Variants in DGCR2 observed in about 807,000 individuals in gnomAD.
DGCR2 encodes DiGeorge syndrome critical region gene 2.
Under a neutral mutation model 51.6 loss-of-function variants are expected in DGCR2, and 24 were observed. The ratio of observed to expected loss-of-function variants is 0.47; its 90% CI spans 0.34 to 0.65. The LOEUF (loss-of-function observed/expected upper bound fraction) is 0.65. Among genes scored for constraint, DGCR2 ranks in the 30% least tolerant of loss-of-function variants. The pLI is 0.01. For synonymous variants in DGCR2, 340 were observed against 315.4 expected, an observed-to-expected ratio of 1.08 and a Z score of -0.82; for missense variants, 765 against 772.1, an observed-to-expected ratio of 0.99 and a Z score of 0.11.
intron 2 of DGCR2, among the ~76,000 whole-genome samples, chr22:19,085,418 A>C (rs2083004039): frequency 6.6e-6 from 1 of 152,184 alleles, no homozygotes; most frequent in Non-Finnish European, 1.5e-5. Flanking sequence ...AGTCACCTCA[A>C]AAATCTAAGC....
chr22:19,057,252 T>A lies in DGCR2; in HGVS notation c.626-90A>T. 2.9e-6 allele frequency: 4 copies of A among 1,366,230 alleles called. No homozygotes were observed. Among genetic ancestry groups the A allele is most frequent in the Non-Finnish European group, 3.9e-6 (4 of 1,017,376 alleles). The allele number at this position is 1,366,230 out of a possible 1,614,324, so 84.6% of individuals were successfully genotyped here. A position where few individuals can be genotyped will look rare whatever the true frequency, so the allele number is the denominator to read the frequency against. ...AAGGGGACCATGGCGTCAGACAGGA[T>A]CATCAACCACAGGGCCTGGACCGCC... On this transcript the variant is annotated intron_variant, in intron 5 of 9. Coordinates refer to ENST00000263196, the MANE Select transcript of DGCR2 (RefSeq NM_005137.3). This position sits in a 1 kb window ranked among gnomAD's most constrained non-coding sequence, Gnocchi z 5.1.
chr22:19,049,533 A>G (rs2082526368), intron 6 of DGCR2, among the ~76,000 whole-genome samples: 1 of 152,130 alleles, frequency 6.6e-6, no homozygotes, highest in Non-Finnish European at 1.5e-5. Context: ...TGCCTCACTT[A>G]AGATTGTAGT....
chr22:19,112,274 T>TAAA (rs374315923), intron 1 of DGCR2, among the ~76,000 whole-genome samples: 4 of 134,902 alleles, frequency 3.0e-5, no homozygotes, highest in Admixed American at 7.5e-5. Context: ...CTCCATCTTT[T>TAAA]AAAAAAAAAA....
At chr22:19,059,583 A>G (rs1331147189) in intron 5 of DGCR2, among the ~76,000 whole-genome samples, 3 of 152,120 alleles carry the variant, frequency 2.0e-5, no homozygotes, top group African/African-American at 7.2e-5. Flanking sequence ...CCTCCTCTCA[A>G]GCCTCCCTCC....
chr22:19,112,595 C>G (rs2083328949), intron 1 of DGCR2, among the ~76,000 whole-genome samples: 1 of 143,508 alleles, frequency 7.0e-6, no homozygotes, highest in African/African-American at 2.6e-5. Context: ...AGGCGTGTGC[C>G]ATCATGCCCA....
In DGCR2 at chr22:19,068,092, C is replaced by A; in HGVS notation, c.328+8G>T. On this transcript the variant is annotated splice_region_variant and intron_variant, in intron 3 of 9. Transcript: ENST00000263196. The stretch of plus-strand genomic sequence containing the variant: ...CAGTGTCCCAGTCAGGGCAGGTCTG[C>A]AACTTACTGCTGAAGCGAACGGGCT... 4.5e-6 allele frequency: 7 copies of A among 1,566,250 alleles called. No homozygotes were observed. The highest frequency in any genetic ancestry group is 5.2e-6 in the Non-Finnish European group (6 of 1,157,846).
intron 3 of DGCR2, among the ~76,000 whole-genome samples, chr22:19,066,441 A>C (rs909001210): frequency 6.6e-6 from 1 of 152,112 alleles, no homozygotes; most frequent in Non-Finnish European, 1.5e-5. Flanking sequence ...AACAAAAAAA[A>C]ACAAAACAAC....
At chr22:19,113,840 C>T (rs1342059968) in intron 1 of DGCR2, among the ~76,000 whole-genome samples, 1 of 152,148 alleles carries the variant, frequency 6.6e-6, no homozygotes, top group Non-Finnish European at 1.5e-5. Context: ...AGACGGATCA[C>T]CTGAGGTTGG....
chr22:19,116,074 T>C (rs896434000), intron 1 of DGCR2, among the ~76,000 whole-genome samples: 1 of 152,238 alleles, frequency 6.6e-6, no homozygotes, highest in African/African-American at 2.4e-5. Context: ...ATGAGGAAAC[T>C]GAAGAGTGAG....
In DGCR2 at chr22:19,068,209, C is replaced by G. The variant is rs1174708977; in HGVS notation, c.219G>C (p.Val73=). The part of the protein sequence containing the change: ...EANCPEVTGE[V]RPHHGKEAVD... ...CAGCCTCCTTCCCATGATGAGGACG[C>G]ACCTCCCCGGTCACTTCTGAAAGCA... Residue 73 remains valine, a synonymous_variant, in exon 3 of 10, where the codon GTG becomes GTC. Transcript: ENST00000263196. The G allele has an allele frequency of 8.7e-6, 14 of 1,604,708 alleles. No homozygotes were observed. Among genetic ancestry groups the G allele is most frequent in the Non-Finnish European group, 1.2e-5 (14 of 1,175,870 alleles).
rs114452887 is a variant in DGCR2 at position 19,041,573 on chromosome 22, C to T, written c.1159+234G>A. 5.4e-3 allele frequency: 3,216 copies of T among 598,550 alleles called. 81 individuals are homozygous for T. Among genetic ancestry groups the T allele is most frequent in the African/African-American group, 0.053 (2,881 of 53,978 alleles). 37.1% of individuals were successfully genotyped at this position (598,550 alleles called of 1,614,324 possible). Reference sequence around the variant, plus strand: ...CACCCCTCCAGCTGGAAGGGTGATCCGGGCCTCTGACCCTCAGAGGCCTCC... The same window carrying T: ...CACCCCTCCAGCTGGAAGGGTGATCTGGGCCTCTGACCCTCAGAGGCCTCC... On this transcript the variant is annotated intron_variant, in intron 8 of 9. Transcript: ENST00000263196.
At chr22:19,042,239 A>C (rs1035398482) in intron 7 of DGCR2, among the ~76,000 whole-genome samples, 1 of 152,180 alleles carries the variant, frequency 6.6e-6, no homozygotes, top group African/African-American at 2.4e-5. Context: ...CACCGGAGCA[A>C]ACTAGGATTT....
At chr22:19,074,414 A>G (rs2082851640) in intron 2 of DGCR2, among the ~76,000 whole-genome samples, 1 of 50,312 alleles carries the variant, frequency 2.0e-5, no homozygotes, top group South Asian at 8.1e-4. Context: ...AGCAAGATGA[A>G]AAAAAAAAAA....
At chr22:19,109,093 C>T (rs1419517023) in intron 1 of DGCR2, among the ~76,000 whole-genome samples, 1 of 152,016 alleles carries the variant, frequency 6.6e-6, no homozygotes, top group Non-Finnish European at 1.5e-5. Flanking sequence ...CCACAATAGG[C>T]TATCACCTCA....
intron 6 of DGCR2, among the ~76,000 whole-genome samples, chr22:19,052,439 C>CACACAA (rs1555901811): frequency 1.4e-5 from 2 of 145,938 alleles, no homozygotes; most frequent in Non-Finnish European, 3.0e-5. Context: ...CACACACACA[C>CACACAA]AAAAGAAAAA....
In DGCR2 at chr22:19,065,083, G is replaced by T. The variant is rs1283743199; in HGVS notation, c.329-16C>A. On this transcript the variant is annotated splice_polypyrimidine_tract_variant and intron_variant, in intron 3 of 9. Coordinates refer to ENST00000263196, the MANE Select transcript of DGCR2 (RefSeq NM_005137.3). The stretch of plus-strand genomic sequence containing the variant: ...CCTAGGAAACATAAAGGACAGAAGG[G>T]GAGTTGTCCCCCAAGTTAGGATCCA... 1 of 1,610,762 alleles carries T rather than the reference G, an allele frequency of 6.2e-7. No homozygotes were observed. The highest frequency in any genetic ancestry group is 8.5e-7 in the Non-Finnish European group (1 of 1,177,914).
At chr22:19,092,765 G>A (rs943154477) in intron 1 of DGCR2, among the ~76,000 whole-genome samples, 5 of 152,166 alleles carry the variant, frequency 3.3e-5, no homozygotes, top group Non-Finnish European at 5.9e-5. Flanking sequence ...GTGAAGTCCT[G>A]TACACTGAAA....
Position 19,068,216 on chromosome 22 carries a change from C to T in DGCR2, c.212G>A (p.Gly71Glu). The T allele has an allele frequency of 6.3e-7, 1 of 1,599,358 alleles. No homozygotes were observed. Among genetic ancestry groups the T allele is most frequent in the Non-Finnish European group, 8.5e-7 (1 of 1,173,164 alleles). ...CTTCCCATGATGAGGACGCACCTCC[C>T]CGGTCACTTCTGAAAGCAAAAGGAG... ...SDEANCPEVT[G>E]EVRPHHGKEA... Residue 71 changes from glycine to glutamate, a missense_variant, in exon 3 of 10, where the codon GGG (glycine) becomes GAG (glutamate). Gly to Glu is a moderately conservative substitution (Grantham distance 98). Coordinates refer to ENST00000263196, the MANE Select transcript of DGCR2 (RefSeq NM_005137.3).
chr22:19,038,449 TC>T lies in DGCR2; in HGVS notation c.*415del, dbSNP rs887634878. The T allele has an allele frequency of 5.7e-6, 1 of 174,348 alleles. No individual in the cohort carries two copies. The highest frequency in any genetic ancestry group is 1.2e-5 in the Non-Finnish European group (1 of 81,542). 10.8% of individuals were successfully genotyped at this position (174,348 alleles called of 1,614,324 possible). A position where few individuals can be genotyped will look rare whatever the true frequency, so the allele number is the denominator to read the frequency against. On this transcript the variant is annotated 3_prime_UTR_variant, in exon 10 of 10. Coordinates refer to ENST00000263196, the MANE Select transcript of DGCR2 (RefSeq NM_005137.3). Reference sequence around the variant, plus strand: ...GGCCAGCAAGGGGCACTGTGGCAGCTCCCACTGTGCCTGTCCCAGACTGGGT... The same window carrying T: ...GGCCAGCAAGGGGCACTGTGGCAGCTCCACTGTGCCTGTCCCAGACTGGGT...
Sources: allele counts gnomAD v4.1 joint callset (sites outside exome capture counted in the v4.1 genomes callset), GRCh38; gene constraint gnomAD v4.1.1; non-coding constraint Gnocchi (gnomAD v3.1); transcripts MANE v1.5; gene names NCBI Gene and HGNC (gene_info 2026-07-23, HGNC 2026-07-21).